RING1: variants seen among roughly 807,000 people sequenced by gnomAD.
RING1 encodes E3 ubiquitin-protein ligase RING1.
Under a neutral mutation model 35.0 loss-of-function variants are expected in RING1, and 8 were observed. The ratio of observed to expected loss-of-function variants is 0.23; its 90% CI spans 0.13 to 0.41. The LOEUF (loss-of-function observed/expected upper bound fraction) is 0.41, where lower values mean the gene tolerates loss of function less well. Among genes scored for constraint, RING1 ranks in the 10% least tolerant of loss-of-function variants. The probability of loss-of-function intolerance (pLI) is 1.00; values close to 1 mark genes in which losing one functional copy is unlikely to be tolerated. For missense variants in RING1, 343 were observed against 546.8 expected (o/e 0.63, Z 3.72); for synonymous variants, 214 against 224.3 (o/e 0.95, Z 0.41).
intron 4 of RING1, 30 bp downstream of exon 4, chr6:33,210,160 A>G: frequency 6.2e-7 from 1 of 1,600,994 alleles, no homozygotes; most frequent in Non-Finnish European, 8.5e-7. Flanking sequence ...AGCAGAACTG[A>G]TGGGATGGGT....
Position 33,209,854 on chromosome 6 carries a change from G to A in RING1, c.240-61G>A. 1 of 1,612,278 alleles carries A rather than the reference G, an allele frequency of 6.2e-7. No homozygotes were observed. The highest frequency in any genetic ancestry group is 8.5e-7 in the Non-Finnish European group (1 of 1,178,516). On this transcript the variant is annotated intron_variant, in intron 3 of 6. Coordinates refer to ENST00000374656, the MANE Select transcript of RING1 (RefSeq NM_002931.4). This position sits in a 1 kb window ranked among gnomAD's most constrained non-coding sequence, Gnocchi z 5.1. Reference sequence around the variant, plus strand: ...AGTTAGGGCCCTCTCACTGGTCTTGGTTCAGCCTAGGCTTCAGTTCCCTTG... The same window carrying A: ...AGTTAGGGCCCTCTCACTGGTCTTGATTCAGCCTAGGCTTCAGTTCCCTTG...
rs1403395642 is a variant in RING1, at chr6:33,211,331, G to A, written c.629G>A (p.Gly210Glu). 1 of 1,609,522 alleles carries A rather than the reference G, an allele frequency of 6.2e-7. No homozygotes were observed. Among genetic ancestry groups the A allele is most frequent in the Non-Finnish European group, 8.5e-7 (1 of 1,178,440 alleles). Residue 210 changes from glycine to glutamate, a missense_variant, in exon 5 of 7, where the codon GGG becomes GAG. Transcript: ENST00000374656. The surrounding 1 kb of genome is among the most constrained non-coding windows in gnomAD (Gnocchi z 6.3). ...PKRPRGGGAG[G>E]SSVGTGGGGT... ...CGACCCCGTGGAGGGGGCGCAGGGG[G>A]GAGCAGTGTAGGGACAGGGGGAGGC...
Position 33,211,750 on chromosome 6 carries a change from T to C in RING1, c.867T>C (p.Asn289=), listed in dbSNP as rs1775551764. 6.4e-7 allele frequency: 1 copy of C among 1,551,108 alleles called. No homozygotes were observed. The highest frequency in any genetic ancestry group is 8.7e-7 in the Non-Finnish European group (1 of 1,147,296). Residue 289 remains asparagine (N), a synonymous_variant, in exon 6 of 7, where the codon AAT becomes AAC. Coordinates refer to ENST00000374656, the MANE Select transcript of RING1 (RefSeq NM_002931.4). This position sits in a 1 kb window ranked among gnomAD's most constrained non-coding sequence, Gnocchi z 6.3. ...CQTRYVKTTG[N]ATVDHLSKYL... ...CCAGGTATGTGAAGACAACTGGGAA[T>C]GCCACAGTGGACCACCTCTCCAAGT...
rs1255201892 is a variant in RING1, at chr6:33,211,389, G to A, written c.687G>A (p.Ser229=). ...GTGGGGTGGGTGGGGGTGCCGGTTC[G>A]GAAGACTCTGGTGACCGGGGAGGGA... ...GTGGVGGGAG[S]EDSGDRGGTL... Residue 229 remains serine (S), a synonymous_variant, in exon 5 of 7, where the codon TCG becomes TCA. Coordinates refer to ENST00000374656, the MANE Select transcript of RING1 (RefSeq NM_002931.4). This position sits in a 1 kb window ranked among gnomAD's most constrained non-coding sequence, Gnocchi z 6.3. The A allele has an allele frequency of 8.4e-6, 13 of 1,554,018 alleles. No individual in the cohort carries two copies. Among genetic ancestry groups the A allele is most frequent in the African/African-American group, 4.1e-5 (3 of 73,072 alleles).
chr6:33,209,771 C>T lies in RING1; in HGVS notation c.224C>T (p.Thr75Ile). The change falls in exon 3 of 7, where the codon ACA becomes ATA. Residue 75 changes from threonine (T) to isoleucine (I), a missense_variant. Coordinates refer to ENST00000374656, the MANE Select transcript of RING1 (RefSeq NM_002931.4). The surrounding 1 kb of genome is among the most constrained non-coding windows in gnomAD (Gnocchi z 5.1). ...LHRFCSDCIV[T>I]ALRSGNKECP... Reference sequence around the variant, plus strand: ...AGATTCTGCTCTGACTGCATTGTCACAGCCCTACGGAGCGGGTAATAGGAG... The same window carrying T: ...AGATTCTGCTCTGACTGCATTGTCATAGCCCTACGGAGCGGGTAATAGGAG... 6.2e-7 allele frequency: 1 copy of T among 1,613,908 alleles called. No homozygotes were observed. Among genetic ancestry groups the T allele is most frequent in the Non-Finnish European group, 8.5e-7 (1 of 1,180,002 alleles).
chr6:33,209,013 T>A lies in RING1; in HGVS notation c.78+113T>A. ...TGCTCTATTCTGCCTTGCCTGGCCC[T>A]ACCTTTGAATCACCTTAATCTTTCC... On this transcript the variant is annotated intron_variant, in intron 2 of 6. Coordinates refer to ENST00000374656, the MANE Select transcript of RING1 (RefSeq NM_002931.4). The surrounding 1 kb of genome is among the most constrained non-coding windows in gnomAD (Gnocchi z 5.1). The A allele has an allele frequency of 1.2e-6, 1 of 868,004 alleles. No homozygotes were observed. Among genetic ancestry groups the A allele is most frequent in the Non-Finnish European group, 1.9e-6 (1 of 523,482 alleles). The allele number at this position is 868,004 out of a possible 1,614,324, so 53.8% of individuals were successfully genotyped here. A position where few individuals can be genotyped will look rare whatever the true frequency, so the allele number is the denominator to read the frequency against.
chr6:33,212,060 C>G, intron 6 of RING1, 58 bp downstream of exon 6: 1 of 1,339,196 alleles, frequency 7.5e-7, no homozygotes, highest in Non-Finnish European at 1.0e-6. Context: ...TGGTCTGGGC[C>G]ACATAGAACC....
chr6:33,208,523 T>TGGCGGC lies in RING1; in HGVS notation c.-174_-169dup, dbSNP rs1020356911. 1 of 422,684 alleles carries TGGCGGC rather than the reference T, an allele frequency of 2.4e-6. No homozygotes were observed. The allele number at this position is 422,684 out of a possible 1,614,324, so 26.2% of individuals were successfully genotyped here. A position where few individuals can be genotyped will look rare whatever the true frequency, so the allele number is the denominator to read the frequency against. ...ACGTAGGGCCCCAGCGCCCGGGCCA[T>TGGCGGC]GGCGGCGGCGGTGGCGGGAGCTGCT... is the stretch of plus-strand genomic sequence containing the variant. On this transcript the variant is annotated 5_prime_UTR_variant, in exon 1 of 7. Transcript: ENST00000374656. This position sits in a 1 kb window ranked among gnomAD's most constrained non-coding sequence, Gnocchi z 6.2.
chr6:33,209,910 C>T lies in RING1; in HGVS notation c.240-5C>T, dbSNP rs759991167. ...CCACTCAGGGCTTCCCTTCTCCTAC[C>T]CCAGGAACAAGGAGTGTCCTACCTG... On this transcript the variant is annotated splice_region_variant and splice_polypyrimidine_tract_variant and intron_variant, in intron 3 of 6. Coordinates refer to ENST00000374656, the MANE Select transcript of RING1 (RefSeq NM_002931.4). This position sits in a 1 kb window ranked among gnomAD's most constrained non-coding sequence, Gnocchi z 5.1. The T allele has an allele frequency of 3.7e-6, 6 of 1,613,886 alleles. No homozygotes were observed. The highest frequency in any genetic ancestry group is 2.5e-6 in the Non-Finnish European group (3 of 1,179,914).
intron 4 of RING1, among the ~76,000 whole-genome samples, 195 bp downstream of exon 4, chr6:33,210,325 G>A (rs1489743871): frequency 6.6e-6 from 1 of 152,164 alleles, no homozygotes; most frequent in Non-Finnish European, 1.5e-5. Context: ...ATAGGGCTGG[G>A]CACAGTGACT....
chr6:33,212,158 C>A, intron 6 of RING1, 140 bp from the exon 7 acceptor site: 1 of 866,516 alleles, frequency 1.2e-6, no homozygotes, highest in Non-Finnish European at 1.8e-6. Flanking sequence ...CATCCATGTC[C>A]TTTTTTGCCT....
rs1775495794 is a variant in RING1 at position 33,211,138 on chromosome 6, T to G, written c.456-20T>G. On this transcript the variant is annotated intron_variant, in intron 4 of 6. Transcript: ENST00000374656. This position sits in a 1 kb window ranked among gnomAD's most constrained non-coding sequence, Gnocchi z 6.3. Reference sequence around the variant, plus strand: ...CCTTTATCCTGGATGCCTTCTAACCTTAACCACTTGCTTCTACAGGGCCCA... The same window carrying G: ...CCTTTATCCTGGATGCCTTCTAACCGTAACCACTTGCTTCTACAGGGCCCA... 1 of 1,570,880 alleles carries G rather than the reference T, an allele frequency of 6.4e-7. No homozygotes were observed. The highest frequency in any genetic ancestry group is 8.7e-7 in the Non-Finnish European group (1 of 1,154,134).
At position 33,211,639 on chromosome 6, in the gene RING1, C is replaced by A; in HGVS notation, c.846-90C>A. On this transcript the variant is annotated intron_variant, in intron 5 of 6. Transcript: ENST00000374656. The surrounding 1 kb of genome is among the most constrained non-coding windows in gnomAD (Gnocchi z 6.3). Reference sequence around the variant, plus strand: ...GGCTTTGCCCAAACCCAAAATACCACCCCAACCCAGAATCCATTTTGGAAA... The same window carrying A: ...GGCTTTGCCCAAACCCAAAATACCAACCCAACCCAGAATCCATTTTGGAAA... The A allele has an allele frequency of 6.5e-7, 1 of 1,548,016 alleles. No homozygotes were observed. Among genetic ancestry groups the A allele is most frequent in the South Asian group, 1.2e-5 (1 of 80,660 alleles).
In RING1 at chr6:33,211,857, A is replaced by C. The variant is rs1291619609; in HGVS notation, c.974A>C (p.Asp325Ala). Residue 325 changes from aspartate to alanine, a missense_variant, in exon 6 of 7, where the codon GAC becomes GCC. Transcript: ENST00000374656. This position sits in a 1 kb window ranked among gnomAD's most constrained non-coding sequence, Gnocchi z 6.3. The stretch of plus-strand genomic sequence containing the variant: ...GGAGGGCCTGGAGGGGGCGCCTCTG[A>C]CACCGGAGGACCTGATGGGTGTGGC... Reference protein sequence around the residue: ...EPGGPGGGASDTGGPDGCGGE... With the variant: ...EPGGPGGGASATGGPDGCGGE... 1.2e-6 allele frequency: 2 copies of C among 1,607,214 alleles called. No individual in the cohort carries two copies. Among genetic ancestry groups the C allele is most frequent in the Admixed American group, 1.7e-5 (1 of 59,222 alleles).
rs753403352 is a variant in RING1, at chr6:33,211,827, A to G, written c.944A>G (p.Glu315Gly). The change falls in exon 6 of 7, where the codon GAG (glutamate) becomes GGG (glycine). Residue 315 changes from glutamate (E) to glycine (G), a missense_variant. Coordinates refer to ENST00000374656, the MANE Select transcript of RING1 (RefSeq NM_002931.4). The surrounding 1 kb of genome is among the most constrained non-coding windows in gnomAD (Gnocchi z 6.3). ...LERRQQQEAG[E>G]PGGPGGGASD... is the part of the protein sequence containing the mutation. ...CGGAGGCAACAGCAGGAAGCAGGGGAGCCAGGAGGGCCTGGAGGGGGCGCC... is the reference window on the plus strand; with the variant it reads ...CGGAGGCAACAGCAGGAAGCAGGGGGGCCAGGAGGGCCTGGAGGGGGCGCC... 1 of 1,609,676 alleles carries G rather than the reference A, an allele frequency of 6.2e-7. No individual in the cohort carries two copies. Among genetic ancestry groups the G allele is most frequent in the Admixed American group, 1.7e-5 (1 of 59,638 alleles).
Position 33,208,928 on chromosome 6 carries a change from A to G in RING1, c.78+28A>G. On this transcript the variant is annotated intron_variant, in intron 2 of 6. Coordinates refer to ENST00000374656, the MANE Select transcript of RING1 (RefSeq NM_002931.4). The surrounding 1 kb of genome is among the most constrained non-coding windows in gnomAD (Gnocchi z 6.2). Reference sequence around the variant, plus strand: ...GACAGGCATTCTCCCTTTCAGGCTTACCCCCTCCCCCAAACCCTTATATCC... The same window carrying G: ...GACAGGCATTCTCCCTTTCAGGCTTGCCCCCTCCCCCAAACCCTTATATCC... 6.4e-7 allele frequency: 1 copy of G among 1,574,082 alleles called. No individual in the cohort carries two copies. Among genetic ancestry groups the G allele is most frequent in the Admixed American group, 1.7e-5 (1 of 58,790 alleles).
chr6:33,212,443 C>A lies in RING1; in HGVS notation c.*44C>A. 8 of 1,313,534 alleles carry A rather than the reference C, an allele frequency of 6.1e-6. No homozygotes were observed. The South Asian group carries it at 7.6e-5, about 12-fold the overall frequency. The allele number at this position is 1,313,534 out of a possible 1,614,324, so 81.4% of individuals were successfully genotyped here. ...AGAGGAAGGGGACCATGGGGTATCC[C>A]TGTGTCCTGGTCTATCACCCCAGCT... is the stretch of plus-strand genomic sequence containing the variant. On this transcript the variant is annotated 3_prime_UTR_variant, in exon 7 of 7. Coordinates refer to ENST00000374656, the MANE Select transcript of RING1 (RefSeq NM_002931.4).
At chr6:33,212,086 C>A in intron 6 of RING1, 84 bp downstream of exon 6, 1 of 1,054,590 alleles carries the variant, frequency 9.5e-7, no homozygotes, top group Non-Finnish European at 1.4e-6. Flanking sequence ...CCTGGTCTAA[C>A]TCATCAGCAC....
Position 33,211,672 on chromosome 6 carries a change from C to T in RING1, c.846-57C>T. The T allele has an allele frequency of 2.6e-6, 4 of 1,535,062 alleles. No homozygotes were observed. The highest frequency in any genetic ancestry group is 1.3e-5 in the South Asian group (1 of 77,674). ...CAGAATCCATTTTGGAAAGCCCCTA[C>T]CTCCAGTCCTCATCTGAGGCGCTCT... On this transcript the variant is annotated intron_variant, in intron 5 of 6. Coordinates refer to ENST00000374656, the MANE Select transcript of RING1 (RefSeq NM_002931.4). The surrounding 1 kb of genome is among the most constrained non-coding windows in gnomAD (Gnocchi z 6.3).
Sources: allele counts gnomAD v4.1 joint callset (sites outside exome capture counted in the v4.1 genomes callset), GRCh38; gene constraint gnomAD v4.1.1; non-coding constraint Gnocchi (gnomAD v3.1); transcripts MANE v1.5; gene names NCBI Gene and HGNC (gene_info 2026-07-23, HGNC 2026-07-21).